The following STAB2 variants were observed in gnomAD, a reference collection of about 807,000 sequenced individuals.
STAB2 encodes the protein stabilin-2.
STAB2 carries 288 observed loss-of-function variants against 338.1 expected under a neutral mutation model. The ratio of observed to expected loss-of-function variants is 0.85; its 90% CI spans 0.77 to 0.94. The LOEUF is 0.94. Ranked by LOEUF, STAB2 falls within the 40% of genes least tolerant of loss-of-function variation. The probability of loss-of-function intolerance (pLI) is 0.00; values close to 1 mark genes in which losing one functional copy is unlikely to be tolerated. For synonymous variants in STAB2, 1,202 were observed against 1,193.3 expected (o/e 1.01, Z -0.15); for missense variants, 3,141 against 3,210.1 (o/e 0.98, Z 0.52).
rs34478982 is a variant in STAB2 at position 103,743,023 on chromosome 12, C to CTTT, written c.6031+483_6031+485dup. Among the ~76,000 whole-genome samples the CTTT allele has an allele frequency of 6.9e-3, 927 of 134,704 alleles. 13 individuals are homozygous for CTTT. The highest frequency in any genetic ancestry group is 0.014 in the African/African-American group (492 of 35,966). 88.4% of individuals were successfully genotyped at this position (134,704 alleles called of 152,430 possible). ...GCTCAAGAGCCAGCAATTTTTTTTT[C>CTTT]TTTTTTTTTTTTTTTTGAGACAGAG... On this transcript the variant is annotated intron_variant, in intron 56 of 68. Transcript: ENST00000388887.
chr12:103,733,022 G>C lies in STAB2; in HGVS notation c.5300G>C (p.Ser1767Thr). The change falls in exon 51 of 69, where the codon AGT becomes ACT. Residue 1767 changes from serine (S) to threonine (T), a missense_variant. Ser to Thr is a moderately conservative substitution (Grantham distance 58). Transcript: ENST00000388887. ...SNLIQDSGLL[S>T]VITDPIHTPV... is the part of the protein sequence containing the mutation. ...GTGTTTCAGGACTCAGGTTTGCTGAGTGTCATCACCGATCCCATCCACACC... is the reference window on the plus strand; with the variant it reads ...GTGTTTCAGGACTCAGGTTTGCTGACTGTCATCACCGATCCCATCCACACC... 6.2e-7 allele frequency: 1 copy of C among 1,613,720 alleles called. No homozygotes were observed. Among genetic ancestry groups the C allele is most frequent in the Non-Finnish European group, 8.5e-7 (1 of 1,179,838 alleles).
intron 19 of STAB2, among the ~76,000 whole-genome samples, chr12:103,667,137 G>T (rs1226133738): frequency 1.3e-5 from 2 of 152,192 alleles, no homozygotes; most frequent in African/African-American, 2.4e-5. Context: ...CATTAGGTAA[G>T]GTTATGAGCT....
intron 47 of STAB2, among the ~76,000 whole-genome samples, chr12:103,727,973 CT>C (rs1881343607): frequency 1.3e-5 from 2 of 152,138 alleles, no homozygotes; most frequent in Non-Finnish European, 2.9e-5. Flanking sequence ...GGCCCGTGTA[CT>C]TAACCACTGT....
At chr12:103,680,930 T>G (rs564454636) in intron 25 of STAB2, among the ~76,000 whole-genome samples, 110 of 152,350 alleles carry the variant, frequency 7.2e-4, no homozygotes, top group Non-Finnish European at 1.2e-3. Flanking sequence ...GCCACTAAGC[T>G]CAGTGGTGAG....
At chr12:103,712,207 G>T (rs1336898786) in intron 40 of STAB2, among the ~76,000 whole-genome samples, 160 bp from the exon 41 acceptor site, 1 of 152,164 alleles carries the variant, frequency 6.6e-6, no homozygotes, top group East Asian at 1.9e-4. Context: ...TTGTGGTGGG[G>T]TTATGCCAGA....
rs78671180 is a variant in STAB2 at position 103,616,107 on chromosome 12, G to A, written c.332-4361G>A. On this transcript the variant is annotated intron_variant, in intron 3 of 68. Transcript: ENST00000388887. ...CCTGCCTAAATTTTTTAAAAGAAAG[G>A]TATATTAACTGTCCCTAAGGAAGAA... Among the ~76,000 whole-genome samples, 1,332 of 152,210 alleles carry A rather than the reference G, an allele frequency of 8.8e-3. 20 individuals carry two copies. The highest frequency in any genetic ancestry group is 0.031 in the African/African-American group (1,279 of 41,528).
At chr12:103,737,514 G>T in intron 52 of STAB2, 120 bp from the exon 53 acceptor site, 1 of 1,072,578 alleles carries the variant, frequency 9.3e-7, no homozygotes, top group Non-Finnish European at 1.3e-6. Context: ...CCTGAGTCTT[G>T]CAGTTACTGG....
chr12:103,621,359 C>T (rs1286763414), intron 4 of STAB2, among the ~76,000 whole-genome samples: 3 of 150,498 alleles, frequency 2.0e-5, no homozygotes, highest in South Asian at 4.2e-4. Context: ...ATGAAAGTGA[C>T]TTTTTGCACA....
intron 60 of STAB2, among the ~76,000 whole-genome samples, chr12:103,752,253 G>C (rs896931523): frequency 6.6e-6 from 1 of 152,066 alleles, no homozygotes; most frequent in African/African-American, 2.4e-5. Context: ...TTCATTGTAA[G>C]GTATTTTGTT....
At chr12:103,661,579 G>A (rs905968345) in intron 17 of STAB2, among the ~76,000 whole-genome samples, 2 of 152,182 alleles carry the variant, frequency 1.3e-5, no homozygotes, top group African/African-American at 4.8e-5. Context: ...TTAGACAGCA[G>A]CAAGTGCTAA....
intron 60 of STAB2, among the ~76,000 whole-genome samples, chr12:103,751,105 G>A (rs539933101): frequency 6.6e-6 from 1 of 152,330 alleles, no homozygotes; most frequent in South Asian, 2.1e-4. Flanking sequence ...CCAAGGCAGA[G>A]GGACTTCAGT....
At chr12:103,762,684 G>A (rs1884628344) in intron 67 of STAB2, among the ~76,000 whole-genome samples, 3 of 152,194 alleles carry the variant, frequency 2.0e-5, no homozygotes, top group Admixed American at 6.5e-5. Context: ...GTTTGGCCTG[G>A]AGGCACATTC....
rs374801895 is a variant in STAB2 at position 103,674,105 on chromosome 12, T to C, written c.2552+18T>C. 3.8e-6 allele frequency: 6 copies of C among 1,599,794 alleles called. No individual in the cohort carries two copies. The Admixed American group carries it at 5.0e-5, about 13-fold the overall frequency. On this transcript the variant is annotated intron_variant, in intron 23 of 68. Transcript: ENST00000388887. The stretch of plus-strand genomic sequence containing the variant: ...ACAGCCAGGTAGGTCTGTGAGGGAA[T>C]GGCCCTTAATGACGCTGAGTCATTA...
At chr12:103,675,846 C>T in intron 23 of STAB2, 82 bp from the exon 24 acceptor site, 1 of 1,110,106 alleles carries the variant, frequency 9.0e-7, no homozygotes, top group Non-Finnish European at 1.3e-6. Flanking sequence ...TGGCCAGGAA[C>T]TGGCTCATCT....
At chr12:103,710,840 A>G (rs1879788947) in intron 39 of STAB2, among the ~76,000 whole-genome samples, 1 of 152,182 alleles carries the variant, frequency 6.6e-6, no homozygotes, top group African/African-American at 2.4e-5. Flanking sequence ...ATCCTATCCA[A>G]GAGTATTCTT....
chr12:103,598,363 G>T (rs1178469405), intron 3 of STAB2, among the ~76,000 whole-genome samples: 1 of 152,142 alleles, frequency 6.6e-6, no homozygotes, highest in Non-Finnish European at 1.5e-5. Flanking sequence ...CAGCTGATTT[G>T]CTGACAGCTT....
intron 54 of STAB2, 142 bp from the exon 55 acceptor site, chr12:103,740,487 TG>T: frequency 1.8e-6 from 2 of 1,119,986 alleles, no homozygotes; most frequent in South Asian, 1.7e-5. Context: ...AATATCACCT[TG>T]GAAAAAAAAA....
intron 10 of STAB2, among the ~76,000 whole-genome samples, chr12:103,649,979 G>C (rs1593181931): frequency 1.3e-5 from 2 of 152,272 alleles, no homozygotes; most frequent in Middle Eastern, 6.8e-3. Flanking sequence ...GCTTCCCCAG[G>C]TGATGGAAGC....
intron 42 of STAB2, 71 bp downstream of exon 42, chr12:103,713,839 G>T: frequency 6.3e-7 from 1 of 1,583,350 alleles, no homozygotes; most frequent in Non-Finnish European, 8.6e-7. Context: ...ATTCCAACGT[G>T]TGTGCCCTGA....
Sources: gnomAD v4.1 joint callset for allele counts (sites outside exome capture counted in the v4.1 genomes callset) on GRCh38, gnomAD v4.1.1 for gene constraint, MANE v1.5 for transcripts, NCBI Gene and HGNC (gene_info 2026-07-23, HGNC 2026-07-21) for gene names.